The following ATXN7 variants were observed in gnomAD, a reference collection of about 807,000 sequenced individuals.
The protein encoded by ATXN7 is ataxin-7.
Under a neutral mutation model 70.5 loss-of-function variants are expected in ATXN7, and 12 were observed. The observed-to-expected ratio is 0.17, with a 90% CI of 0.11 to 0.28. The LOEUF (loss-of-function observed/expected upper bound fraction) is 0.28, where lower values mean the gene tolerates loss of function less well. Among genes scored for constraint, ATXN7 ranks in the 10% least tolerant of loss-of-function variants. ATXN7 has a pLI of 1.00. For missense variants in ATXN7, 1,256 were observed against 1,131.7 expected (o/e 1.11, Z -1.58); for synonymous variants, 498 against 448.7 (o/e 1.11, Z -1.39).
At chr3:63,997,958 G>C (rs780282264) in intron 12 of ATXN7, 2 of 985,376 alleles carry the variant, frequency 2.0e-6, no homozygotes, top group Non-Finnish European at 2.4e-6. Context: ...AATGAGAAGT[G>C]TGCTTTTCCT....
chr3:63,970,506 T>C (rs4465938), intron 5 of ATXN7, among the ~76,000 whole-genome samples: 1 of 152,160 alleles, frequency 6.6e-6, no homozygotes, highest in Non-Finnish European at 1.5e-5. Context: ...TTCAATAAAA[T>C]ATTTGGATTT....
rs1446621998 is a variant in ATXN7 at position 63,995,946 on chromosome 3, A to T, written c.2124A>T (p.Lys708Asn). ...STSGGSGKKR[K>N]NSSPLLVHSS... ...GTGGCGGCTCAGGAAAGAAACGCAA[A>T]AACAGTTCCCCACTGTTGGTTCACT... The change falls in exon 12 of 13, where the codon AAA (lysine) becomes AAT (asparagine). Residue 708 changes from lysine (K) to asparagine (N), a missense_variant. Transcript: ENST00000674280. The T allele has an allele frequency of 6.2e-7, 1 of 1,614,046 alleles. No individual in the cohort carries two copies. Among genetic ancestry groups the T allele is most frequent in the African/African-American group, 1.3e-5 (1 of 74,994 alleles).
chr3:63,990,551 G>A (rs539119833), intron 10 of ATXN7, 177 bp downstream of exon 10: 23 of 1,178,684 alleles, frequency 2.0e-5, no homozygotes, highest in Middle Eastern at 2.9e-4. Context: ...GGGACATCTC[G>A]TGCTTTTTTC....
chr3:63,982,120 C>T (rs553653412), intron 6 of ATXN7, 66 bp from the exon 7 acceptor site: 2 of 1,603,838 alleles, frequency 1.2e-6, no homozygotes, highest in East Asian at 2.2e-5. Context: ...ATCCCTCTGG[C>T]TCACCATTCA....
intron 4 of ATXN7, among the ~76,000 whole-genome samples, chr3:63,918,785 G>C (rs1459151005): frequency 6.6e-6 from 1 of 152,158 alleles, no homozygotes; most frequent in African/African-American, 2.4e-5. Context: ...TATAAACCAA[G>C]CCTCAGACAG....
At chr3:63,866,501 C>T (rs1259835359) in intron 1 of ATXN7, among the ~76,000 whole-genome samples, 2 of 152,188 alleles carry the variant, frequency 1.3e-5, no homozygotes, top group African/African-American at 4.8e-5. Flanking sequence ...AGCGATCCTC[C>T]CGCCTCAGCC....
chr3:63,889,063 A>T (rs549462830), intron 1 of ATXN7, among the ~76,000 whole-genome samples: 15 of 152,308 alleles, frequency 9.8e-5, no homozygotes, highest in African/African-American at 3.4e-4. Context: ...TTAAGACCAT[A>T]TATTTCTAGC....
rs536573410 is a variant in ATXN7, at chr3:63,923,589, T to G, written c.394+10364T>G. Reference sequence around the variant, plus strand: ...TGGGAGACTGAGGCGGGAGGATCACTTGAGTTTAGGAGTTTGAGACCAGCT... The same window carrying G: ...TGGGAGACTGAGGCGGGAGGATCACGTGAGTTTAGGAGTTTGAGACCAGCT... On this transcript the variant is annotated intron_variant, in intron 4 of 12. Transcript: ENST00000674280. Among the ~76,000 whole-genome samples the G allele has an allele frequency of 7.9e-5, 12 of 152,168 alleles. No individual in the cohort carries two copies. In the East Asian group the frequency reaches 2.3e-3, roughly 29 times the overall value.
At chr3:63,871,441 CA>C (rs1168539120) in intron 1 of ATXN7, among the ~76,000 whole-genome samples, 1 of 150,970 alleles carries the variant, frequency 6.6e-6, no homozygotes, top group African/African-American at 2.4e-5. Flanking sequence ...AAAGTCATTA[CA>C]AAAAAAGAAA....
intron 5 of ATXN7, among the ~76,000 whole-genome samples, chr3:63,965,011 T>A (rs938855633): frequency 1.3e-5 from 2 of 152,176 alleles, no homozygotes; most frequent in Non-Finnish European, 2.9e-5. Context: ...CAGTATTTCA[T>A]AACTGCCAAC....
chr3:63,899,819 G>A (rs959153029), intron 2 of ATXN7, among the ~76,000 whole-genome samples: 1 of 152,022 alleles, frequency 6.6e-6, no homozygotes, highest in Non-Finnish European at 1.5e-5. Flanking sequence ...GGGTTTCGCC[G>A]TGTTAGCCAA....
chr3:63,899,813 T>G (rs1703566781), intron 2 of ATXN7, among the ~76,000 whole-genome samples: 1 of 152,116 alleles, frequency 6.6e-6, no homozygotes, highest in African/African-American at 2.4e-5. Flanking sequence ...GACACGGGGT[T>G]TCGCCGTGTT....
At chr3:63,937,783 C>A (rs1044465312) in intron 4 of ATXN7, among the ~76,000 whole-genome samples, 1 of 152,162 alleles carries the variant, frequency 6.6e-6, no homozygotes, top group Admixed American at 6.5e-5. Context: ...ACCTTTAACA[C>A]TAGCCCCACC....
At chr3:63,947,996 T>C (rs1375451411) in intron 4 of ATXN7, among the ~76,000 whole-genome samples, 1 of 152,092 alleles carries the variant, frequency 6.6e-6, no homozygotes, top group African/African-American at 2.4e-5. Flanking sequence ...TGGAGTTCTA[T>C]TCCAAGAGGA....
At chr3:63,948,665 A>G (rs1468681636) in intron 4 of ATXN7, among the ~76,000 whole-genome samples, 1 of 152,216 alleles carries the variant, frequency 6.6e-6, no homozygotes, top group African/African-American at 2.4e-5. Flanking sequence ...TATGGTTTCT[A>G]GCAGAGGGAC....
At chr3:63,944,811 A>T (rs1203550497) in intron 4 of ATXN7, among the ~76,000 whole-genome samples, 1 of 151,810 alleles carries the variant, frequency 6.6e-6, no homozygotes, top group African/African-American at 2.4e-5. Flanking sequence ...TGTTTGTTTG[A>T]GACAGAATCT....
intron 4 of ATXN7, among the ~76,000 whole-genome samples, chr3:63,914,541 G>C (rs745872179): frequency 1.3e-5 from 2 of 152,178 alleles, no homozygotes; most frequent in African/African-American, 2.4e-5. Flanking sequence ...GCCTGCCTGG[G>C]CTTAAAAAAT....
intron 1 of ATXN7, among the ~76,000 whole-genome samples, chr3:63,867,608 C>G (rs1045918309): frequency 1.2e-4 from 19 of 152,106 alleles, no homozygotes; most frequent in African/African-American, 4.6e-4. Flanking sequence ...GCCTGTAATC[C>G]CAGCACTTTG....
chr3:63,901,592 A>G (rs1219274734), intron 2 of ATXN7: 1 of 146,182 alleles, frequency 6.8e-6, no homozygotes. Flanking sequence ...AGTTCTCTTT[A>G]AAAAAAAACA....
Sources: allele counts gnomAD v4.1 joint callset (sites outside exome capture counted in the v4.1 genomes callset), GRCh38; gene constraint gnomAD v4.1.1; transcripts MANE v1.5; gene names NCBI Gene and HGNC (gene_info 2026-07-23, HGNC 2026-07-21).